Variants in ITPR1 observed in about 807,000 individuals in gnomAD.
The protein encoded by ITPR1 is inositol 1,4,5-trisphosphate-gated calcium channel ITPR1.
Under a neutral mutation model 318.4 loss-of-function variants are expected in ITPR1, and 96 were observed. The ratio of observed to expected loss-of-function variants is 0.30; its 90% CI spans 0.26 to 0.36. The LOEUF is 0.36. ITPR1 is among the 10% of genes least tolerant of loss of function. The pLI, the probability that ITPR1 is intolerant of heterozygous loss-of-function variation, is 1.00. For synonymous variants in ITPR1, 1,312 were observed against 1,289.9 expected, an observed-to-expected ratio of 1.02 and a Z score of -0.37; for missense variants, 2,440 against 3,460.2, an observed-to-expected ratio of 0.71 and a Z score of 7.40.
At chr3:4,772,674 A>T (rs1330401781) in intron 46 of ITPR1, among the ~76,000 whole-genome samples, 1 of 152,220 alleles carries the variant, frequency 6.6e-6, no homozygotes. Context: ...AGGCTCTTCA[A>T]GGAAGACTGC....
chr3:4,651,063 GATGGGACCCCTTTGATGTGTCTACTA>G (rs1179508484), intron 10 of ITPR1, among the ~76,000 whole-genome samples: 10 of 152,184 alleles, frequency 6.6e-5, no homozygotes, highest in African/African-American at 2.4e-4. Context: ...CCCCTTCCAA[GATGGGACCCCTTTGATGTGTCTACTA>G]ACGCACAGGG....
chr3:4,846,108 G>T, intron 61 of ITPR1, 31 bp from the exon 62 acceptor site: 1 of 1,325,366 alleles, frequency 7.5e-7, no homozygotes, highest in Non-Finnish European at 1.1e-6. Context: ...GAAGTATCTG[G>T]GTCTAATGAT....
In ITPR1 at chr3:4,627,806, A is replaced by G; in HGVS notation, c.207A>G (p.Gln69=). ...KLCPMNRYSA[Q]KQFWKAAKPG... is the part of the protein sequence containing the mutation. ...GTCCCATGAACCGCTACTCTGCCCAAAAGCAGTTCTGGAAAGCCGCTAAGC... is the reference window on the plus strand; with the variant it reads ...GTCCCATGAACCGCTACTCTGCCCAGAAGCAGTTCTGGAAAGCCGCTAAGC... The change falls in exon 5 of 62, where the codon CAA becomes CAG. Residue 69 remains glutamine (Q), a synonymous_variant. Transcript: ENST00000649015. 1.2e-6 allele frequency: 2 copies of G among 1,613,788 alleles called. No individual in the cohort carries two copies. The highest frequency in any genetic ancestry group is 1.7e-6 in the Non-Finnish European group (2 of 1,179,784).
chr3:4,513,363 A>G (rs1481807019), intron 2 of ITPR1, among the ~76,000 whole-genome samples: 5 of 152,102 alleles, frequency 3.3e-5, no homozygotes, highest in Non-Finnish European at 5.9e-5. Context: ...AGATCTCCAG[A>G]GGTTTCTAGC....
At chr3:4,597,203 T>A (rs2090898804) in intron 4 of ITPR1, among the ~76,000 whole-genome samples, 1 of 152,176 alleles carries the variant, frequency 6.6e-6, no homozygotes, top group Non-Finnish European at 1.5e-5. Context: ...TGCCCTCTTT[T>A]AAAAATAGTG....
Position 4,662,129 on chromosome 3 carries a change from TC to T in ITPR1, c.1301del (p.Pro434ArgfsTer27). 1 of 1,613,790 alleles carries T rather than the reference TC, an allele frequency of 6.2e-7. No homozygotes were observed. On this transcript the variant is annotated frameshift_variant, in exon 15 of 62. Transcript: ENST00000649015. LOFTEE classifies it high-confidence loss of function. ...AGGATAAGGAAGCATTTGCCATAGT[TC>T]CGGTTTCTCCTGCTGAAGTTCGGGA... ...KEDKEAFAIVPVSPAEVRDLD... is the reference protein window; with the variant it reads ...KEDKEAFAIVXVSPAEVRDLD...
chr3:4,608,636 G>A (rs1389554048), intron 4 of ITPR1, among the ~76,000 whole-genome samples: 1 of 152,030 alleles, frequency 6.6e-6, no homozygotes, highest in Admixed American at 6.5e-5. Flanking sequence ...ATGTGTAGAA[G>A]CCAGGGATGC....
intron 61 of ITPR1, among the ~76,000 whole-genome samples, chr3:4,844,871 A>C (rs1289655692): frequency 6.6e-6 from 1 of 152,242 alleles, no homozygotes; most frequent in African/African-American, 2.4e-5. Flanking sequence ...ATTTGAGAGG[A>C]TAATGCTAGT....
intron 17 of ITPR1, 97 bp downstream of exon 17, chr3:4,665,393 G>A: frequency 1.7e-6 from 2 of 1,147,776 alleles, no homozygotes; most frequent in Non-Finnish European, 2.5e-6. Context: ...TCTATTTATA[G>A]AATGGATGCA....
At chr3:4,527,927 C>G (rs2083111459) in intron 4 of ITPR1, among the ~76,000 whole-genome samples, 1 of 152,174 alleles carries the variant, frequency 6.6e-6, no homozygotes, top group South Asian at 2.1e-4. Context: ...CTCATGCAAG[C>G]TCTTTGTAAT....
intron 4 of ITPR1, among the ~76,000 whole-genome samples, chr3:4,580,852 C>T (rs1384746723): frequency 6.6e-6 from 1 of 151,668 alleles, no homozygotes; most frequent in Non-Finnish European, 1.5e-5. Context: ...TGAGTGGCGC[C>T]CTTGAGCAGA....
intron 4 of ITPR1, among the ~76,000 whole-genome samples, chr3:4,576,726 A>G (rs2088703387): frequency 6.6e-6 from 1 of 152,240 alleles, no homozygotes; most frequent in African/African-American, 2.4e-5. Context: ...GAACGAAGTC[A>G]ATATTTAAAT....
intron 4 of ITPR1, among the ~76,000 whole-genome samples, chr3:4,552,093 G>A (rs769580088): frequency 2.0e-4 from 31 of 152,108 alleles, no homozygotes; most frequent in Non-Finnish European, 4.1e-4. Context: ...AATTCTGATT[G>A]TGGAAAAAAA....
intron 54 of ITPR1, among the ~76,000 whole-genome samples, chr3:4,804,161 C>A (rs573182733): frequency 1.4e-4 from 22 of 152,328 alleles, no homozygotes; most frequent in Non-Finnish European, 2.8e-4. Context: ...CGTGAGCCAC[C>A]ATGCCCCGCC....
At chr3:4,520,643 C>G (rs2082488542) in intron 3 of ITPR1, among the ~76,000 whole-genome samples, 4 of 152,122 alleles carry the variant, frequency 2.6e-5, no homozygotes, top group Admixed American at 2.6e-4. Flanking sequence ...CTTGAGCTCC[C>G]AAAGAGCAAG....
At chr3:4,607,831 C>G (rs2091810399) in intron 4 of ITPR1, among the ~76,000 whole-genome samples, 1 of 152,026 alleles carries the variant, frequency 6.6e-6, no homozygotes, top group African/African-American at 2.4e-5. Context: ...CCTCAAAAGG[C>G]CAATCTTAGG....
At chr3:4,787,270 G>A (rs1179414975) in intron 51 of ITPR1, among the ~76,000 whole-genome samples, 5 of 145,664 alleles carry the variant, frequency 3.4e-5, no homozygotes, top group African/African-American at 1.3e-4. Flanking sequence ...ACAGGGAGGT[G>A]GAGGTTGCAG....
chr3:4,745,110 C>G (rs1046859430), intron 44 of ITPR1, among the ~76,000 whole-genome samples: 6 of 110,136 alleles, frequency 5.4e-5, no homozygotes, highest in Non-Finnish European at 1.2e-4. Flanking sequence ...TTTTTTTTTT[C>G]TTTCCCTCCT....
At chr3:4,527,825 T>C (rs372071291) in intron 4 of ITPR1, among the ~76,000 whole-genome samples, 2 of 152,132 alleles carry the variant, frequency 1.3e-5, no homozygotes, top group African/African-American at 4.8e-5. Flanking sequence ...CTTTCCCCAG[T>C]CCCAGAGTGC....
Sources: allele counts gnomAD v4.1 joint callset (sites outside exome capture counted in the v4.1 genomes callset), GRCh38; gene constraint gnomAD v4.1.1; transcripts MANE v1.5; gene names NCBI Gene and HGNC (gene_info 2026-07-23, HGNC 2026-07-21).